KANSL3: variants seen among roughly 807,000 people sequenced by gnomAD.
KANSL3 encodes NSL complex protein NSL3.
A neutral mutation model predicts 89.2 loss-of-function variants in KANSL3; 16 were observed. The ratio of observed to expected loss-of-function variants is 0.18; its 90% CI spans 0.12 to 0.27. The LOEUF is 0.27. Among genes scored for constraint, KANSL3 ranks in the 10% least tolerant of loss-of-function variants. The pLI is 1.00. For synonymous variants in KANSL3, 385 were observed against 419.7 expected, an observed-to-expected ratio of 0.92 and a Z score of 1.01; for missense variants, 879 against 1,110.6, an observed-to-expected ratio of 0.79 and a Z score of 2.96.
chr2:96,595,393 A>G lies in KANSL3; in HGVS notation c.*218T>C, dbSNP rs2066445992. On this transcript the variant is annotated 3_prime_UTR_variant, in exon 21 of 21. Transcript: ENST00000431828. ...GCTGAGGAGTCTGGGGTTCCCAGGA[A>G]CCAGATTTGCAGATCCTGGACGATG... 1.9e-6 allele frequency: 1 copy of G among 528,328 alleles called. No individual in the cohort carries two copies. Among genetic ancestry groups the G allele is most frequent in the Middle Eastern group, 5.1e-4 (1 of 1,948 alleles). 32.7% of individuals were successfully genotyped at this position (528,328 alleles called of 1,614,324 possible).
intron 3 of KANSL3, chr2:96,628,220 G>A (rs2072753045): frequency 8.0e-7 from 1 of 1,247,740 alleles, no homozygotes; most frequent in Non-Finnish European, 1.0e-6. Context: ...ATTCTGCTGT[G>A]CCTCCTGTGT....
At chr2:96,637,234 T>TAATGATA in intron 1 of KANSL3, 49 bp from the exon 2 acceptor site, 1 of 690,432 alleles carries the variant, frequency 1.4e-6, no homozygotes, top group Non-Finnish European at 2.4e-6. Context: ...CCTAAATTTC[T>TAATGATA]CCCAATCTAC....
intron 15 of KANSL3, 41 bp downstream of exon 15, chr2:96,605,277 TGA>T: frequency 6.5e-7 from 1 of 1,546,944 alleles, no homozygotes; most frequent in Non-Finnish European, 8.8e-7. Context: ...GCTGTGTACC[TGA>T]GAGAGCTCAG....
chr2:96,631,926 A>G (rs1425666209), intron 2 of KANSL3, among the ~76,000 whole-genome samples: 1 of 152,048 alleles, frequency 6.6e-6, no homozygotes, highest in African/African-American at 2.4e-5. Flanking sequence ...CACACCTGTG[A>G]TCCCAGCTAC....
chr2:96,601,533 C>A, intron 20 of KANSL3, 110 bp downstream of exon 20: 1 of 1,433,262 alleles, frequency 7.0e-7, no homozygotes, highest in South Asian at 1.5e-5. Flanking sequence ...GAATTTGAAT[C>A]TGAATCTCGT....
chr2:96,610,069 T>C (rs938689311), intron 11 of KANSL3, among the ~76,000 whole-genome samples: 1 of 147,986 alleles, frequency 6.8e-6, no homozygotes. Flanking sequence ...AGTGTGATCC[T>C]GGGCTGGATG....
intron 5 of KANSL3, among the ~76,000 whole-genome samples, chr2:96,617,077 C>T (rs1203195126): frequency 6.6e-6 from 1 of 152,166 alleles, no homozygotes; most frequent in East Asian, 1.9e-4. Context: ...AAGATGCCTA[C>T]GATACTTCTG....
intron 3 of KANSL3, among the ~76,000 whole-genome samples, chr2:96,626,563 A>C (rs774314289): frequency 1.3e-5 from 2 of 152,214 alleles, no homozygotes; most frequent in African/African-American, 2.4e-5. Flanking sequence ...ATACTACTAC[A>C]TTCTTTCACT....
chr2:96,637,075 G>T lies in KANSL3; in HGVS notation c.61C>A (p.Leu21Met). ...TCATGCACTGAAAGCTGGAAGAGCA[G>T]CGAGGTGCCCATGCGTCGAGCTGAA... ...QTSARRMGTS[L>M]LFQLSVHERE... The change falls in exon 2 of 21, where the codon CTG (leucine) becomes ATG (methionine). Residue 21 changes from leucine (L) to methionine (M), a missense_variant. By Grantham distance (15) the Leu-to-Met change is conservative. This residue lies in a region of KANSL3 where 210 missense variants were observed against 311.9 expected (regional missense o/e 0.67). Coordinates refer to ENST00000431828, the MANE Select transcript of KANSL3 (RefSeq NM_001115016.3). The T allele has an allele frequency of 1.9e-6, 3 of 1,551,718 alleles. No homozygotes were observed. Among genetic ancestry groups the T allele is most frequent in the Non-Finnish European group, 2.6e-6 (3 of 1,147,010 alleles).
chr2:96,622,956 T>C (rs1330947868), intron 3 of KANSL3, among the ~76,000 whole-genome samples: 1 of 152,172 alleles, frequency 6.6e-6, no homozygotes, highest in East Asian at 1.9e-4. Context: ...ACTGTAACCC[T>C]CCAGTCTTAC....
chr2:96,607,089 G>T (rs980729415), intron 14 of KANSL3: 36 of 1,187,316 alleles, frequency 3.0e-5, no homozygotes, highest in Admixed American at 9.3e-5. Flanking sequence ...CAGCCAGCCA[G>T]AGAAGGGAGA....
chr2:96,583,367 G>A, the KANSL3 span, among the ~76,000 whole-genome samples: 1 of 152,142 alleles, frequency 6.6e-6, no homozygotes, highest in Non-Finnish European at 1.5e-5. Flanking sequence ...TCCTTGTAAT[G>A]TCCATCCAAA....
chr2:96,629,735 C>G (rs2073056531), intron 3 of KANSL3, among the ~76,000 whole-genome samples: 1 of 152,206 alleles, frequency 6.6e-6, no homozygotes, highest in Non-Finnish European at 1.5e-5. Flanking sequence ...CACAAGCACA[C>G]CTGTTCAATC....
chr2:96,611,259 T>A, intron 9 of KANSL3, 121 bp from the exon 10 acceptor site: 1 of 755,238 alleles, frequency 1.3e-6, no homozygotes, highest in Non-Finnish European at 2.3e-6. Flanking sequence ...CCTGTCCTAA[T>A]ATCCGGGTGC....
chr2:96,636,008 C>T (rs1468166720), intron 2 of KANSL3, among the ~76,000 whole-genome samples: 3 of 149,466 alleles, frequency 2.0e-5, no homozygotes, highest in African/African-American at 7.4e-5. Flanking sequence ...AAAAAAAAAA[C>T]CACACACACA....
At chr2:96,601,392 T>C (rs1442636310) in intron 20 of KANSL3, 1 of 985,128 alleles carries the variant, frequency 1.0e-6, no homozygotes, top group East Asian at 1.1e-4. Flanking sequence ...AAACATTAAA[T>C]ACTAGACACT....
At chr2:96,615,489 T>C (rs1573469674) in intron 5 of KANSL3, 1 of 1,283,368 alleles carries the variant, frequency 7.8e-7, no homozygotes, top group Middle Eastern at 2.1e-4. Context: ...TGTTGATGCT[T>C]ACACTGAGAA....
At chr2:96,633,632 G>GGT (rs2073818535) in intron 2 of KANSL3, among the ~76,000 whole-genome samples, 2 of 150,982 alleles carry the variant, frequency 1.3e-5, no homozygotes, top group Non-Finnish European at 2.9e-5. Context: ...CTGGGAGGCA[G>GGT]AGGCATGCGG....
intron 14 of KANSL3, chr2:96,606,555 A>G: frequency 6.0e-6 from 1 of 166,340 alleles, no homozygotes; most frequent in Non-Finnish European, 1.3e-5. Flanking sequence ...TCAGAGTAGG[A>G]AGGAGGGTGT....
Sources: gnomAD v4.1 joint callset for allele counts (sites outside exome capture counted in the v4.1 genomes callset) on GRCh38, gnomAD v4.1.1 for gene constraint, gnomAD v4.1.1 regional missense constraint, MANE v1.5 for transcripts, NCBI Gene and HGNC (gene_info 2026-07-23, HGNC 2026-07-21) for gene names.